TAFA4: variants seen among roughly 807,000 people sequenced by gnomAD.
TAFA4 encodes chemokine-like protein TAFA-4.
TAFA4 carries 20 observed loss-of-function variants against 21.1 expected under a neutral mutation model. That is an observed-to-expected ratio of 0.95 (90% confidence interval 0.67 to 1.38). The LOEUF is 1.38. Ranked by LOEUF, TAFA4 falls within the 40% of genes most tolerant of loss-of-function variation. TAFA4 has a pLI of 0.00. For synonymous variants in TAFA4, 71 were observed against 67.4 expected, an observed-to-expected ratio of 1.05 and a Z score of -0.26; for missense variants, 211 against 180.9, an observed-to-expected ratio of 1.17 and a Z score of -0.95.
chr3:68,754,211 A>G (rs574129830), intron 3 of TAFA4, among the ~76,000 whole-genome samples: 1 of 152,350 alleles, frequency 6.6e-6, no homozygotes, highest in South Asian at 2.1e-4. Flanking sequence ...GACATGATAC[A>G]ATGCTACTAC....
chr3:68,751,992 C>A (rs1018621719), intron 4 of TAFA4, among the ~76,000 whole-genome samples: 1 of 152,028 alleles, frequency 6.6e-6, no homozygotes, highest in African/African-American at 2.4e-5. Flanking sequence ...ACCACAGAGC[C>A]CATATAGTTG....
intron 1 of TAFA4, among the ~76,000 whole-genome samples, chr3:68,931,154 GC>G (rs557278731): frequency 1.8e-4 from 28 of 152,154 alleles, no homozygotes; most frequent in Non-Finnish European, 3.2e-4. Flanking sequence ...CTTCGAAGGC[GC>G]CCATCCCCAC....
chr3:68,743,425 C>T (rs978845943), intron 4 of TAFA4, among the ~76,000 whole-genome samples: 1 of 151,782 alleles, frequency 6.6e-6, no homozygotes, highest in African/African-American at 2.4e-5. Context: ...AAAATGCGAA[C>T]ATTCACTGGG....
At chr3:68,884,891 CA>C (rs1426545649) in intron 2 of TAFA4, among the ~76,000 whole-genome samples, 1 of 152,188 alleles carries the variant, frequency 6.6e-6, no homozygotes, top group African/African-American at 2.4e-5. Flanking sequence ...AGAGAAATGC[CA>C]GGGCAGAGTG....
chr3:68,931,210 G>A (rs1405531484), intron 1 of TAFA4, among the ~76,000 whole-genome samples: 1 of 152,144 alleles, frequency 6.6e-6, no homozygotes, highest in Non-Finnish European at 1.5e-5. Context: ...GCTTGTCTCA[G>A]AGGGAAGACC....
chr3:68,911,853 G>A (rs1050370758), intron 1 of TAFA4, among the ~76,000 whole-genome samples: 1 of 152,172 alleles, frequency 6.6e-6, no homozygotes, highest in Non-Finnish European at 1.5e-5. Context: ...CTTATTAGTG[G>A]TAATACGTTT....
chr3:68,903,118 C>A (rs913585333), intron 1 of TAFA4, among the ~76,000 whole-genome samples: 4 of 152,130 alleles, frequency 2.6e-5, no homozygotes, highest in Non-Finnish European at 5.9e-5. Flanking sequence ...CTAGCCAATG[C>A]TTTTACTCAA....
chr3:68,878,480 A>ACT (rs2089579091), intron 3 of TAFA4, among the ~76,000 whole-genome samples: 3 of 152,230 alleles, frequency 2.0e-5, no homozygotes, highest in African/African-American at 4.8e-5. Context: ...ACTTCCTTCC[A>ACT]GAAGGCATCT....
At chr3:68,874,241 T>C (rs940162171) in intron 3 of TAFA4, among the ~76,000 whole-genome samples, 1 of 152,172 alleles carries the variant, frequency 6.6e-6, no homozygotes, top group Non-Finnish European at 1.5e-5. Flanking sequence ...TTTTTAACTC[T>C]TGCAAACACA....
intron 1 of TAFA4, among the ~76,000 whole-genome samples, chr3:68,902,016 T>C (rs2089848066): frequency 1.3e-5 from 2 of 152,238 alleles, no homozygotes; most frequent in Non-Finnish European, 2.9e-5. Context: ...GTTGTTATCA[T>C]TAATAACAGC....
intron 3 of TAFA4, among the ~76,000 whole-genome samples, chr3:68,824,826 G>A (rs1704190595): frequency 6.6e-6 from 1 of 152,146 alleles, no homozygotes; most frequent in African/African-American, 2.4e-5. Context: ...TTAGCTACCT[G>A]ACTCTAACGG....
chr3:68,841,600 C>T (rs530358793), intron 3 of TAFA4, among the ~76,000 whole-genome samples: 4 of 151,888 alleles, frequency 2.6e-5, no homozygotes, highest in Admixed American at 1.3e-4. Context: ...GATGCATGTG[C>T]GATCTGTTAC....
intron 3 of TAFA4, among the ~76,000 whole-genome samples, chr3:68,812,889 ACC>A (rs1370197475): frequency 5.5e-5 from 7 of 127,868 alleles, no homozygotes; most frequent in African/African-American, 2.2e-4. Flanking sequence ...TCAGCACCAC[ACC>A]ACACCTATTC....
chr3:68,889,538 A>G (rs2089710294), intron 1 of TAFA4, among the ~76,000 whole-genome samples: 1 of 152,156 alleles, frequency 6.6e-6, no homozygotes, highest in African/African-American at 2.4e-5. Context: ...CACCTTCAGA[A>G]TACCTCTTCG....
chr3:68,744,492 T>G (rs1360800225), intron 4 of TAFA4, among the ~76,000 whole-genome samples: 2 of 152,118 alleles, frequency 1.3e-5, no homozygotes, highest in African/African-American at 2.4e-5. Context: ...GAAGAGCAAC[T>G]GAGGTGGGAG....
At chr3:68,929,464 A>G (rs2090140083) in intron 1 of TAFA4, among the ~76,000 whole-genome samples, 1 of 152,308 alleles carries the variant, frequency 6.6e-6, no homozygotes, top group South Asian at 2.1e-4. Flanking sequence ...TTTATGATTG[A>G]TTGGCTTCAG....
intron 3 of TAFA4, among the ~76,000 whole-genome samples, chr3:68,851,847 T>C (rs933258682): frequency 6.6e-6 from 1 of 152,060 alleles, no homozygotes; most frequent in Admixed American, 6.5e-5. Context: ...ACCAGCAATG[T>C]AGGGAAACGA....
chr3:68,797,696 A>G (rs1217777922), intron 3 of TAFA4, among the ~76,000 whole-genome samples: 1 of 152,138 alleles, frequency 6.6e-6, no homozygotes, highest in Non-Finnish European at 1.5e-5. Flanking sequence ...TAAGTGAAAT[A>G]AGCTGGTCAC....
At chr3:68,908,929 A>T (rs2089929318) in intron 1 of TAFA4, among the ~76,000 whole-genome samples, 2 of 152,198 alleles carry the variant, frequency 1.3e-5, no homozygotes, top group Non-Finnish European at 2.9e-5. Flanking sequence ...GACCAGCCCC[A>T]TCTGACAGCG....
Sources: allele counts gnomAD v4.1 joint callset (sites outside exome capture counted in the v4.1 genomes callset), GRCh38; gene constraint gnomAD v4.1.1; transcripts MANE v1.5; gene names NCBI Gene and HGNC (gene_info 2026-07-23, HGNC 2026-07-21).